Variants in ACOX1 observed in about 807,000 individuals in gnomAD.
ACOX1 encodes the protein peroxisomal acyl-coenzyme A oxidase 1.
A neutral mutation model predicts 75.5 loss-of-function variants in ACOX1; 41 were observed. The observed-to-expected ratio is 0.54, with a 90% confidence interval of 0.42 to 0.70. The LOEUF (loss-of-function observed/expected upper bound fraction) is 0.70. Ranked by LOEUF, ACOX1 falls within the 30% of genes least tolerant of loss-of-function variation. ACOX1 has a pLI of 0.00. For missense variants in ACOX1, 630 were observed against 837.5 expected, an observed-to-expected ratio of 0.75 and a Z score of 3.06; for synonymous variants, 303 against 298.8, an observed-to-expected ratio of 1.01 and a Z score of -0.15.
At chr17:75,977,237 C>T (rs904254510) in intron 2 of ACOX1, among the ~76,000 whole-genome samples, 1 of 151,644 alleles carries the variant, frequency 6.6e-6, no homozygotes, top group Non-Finnish European at 1.5e-5. Flanking sequence ...CTCAAGTGAT[C>T]CACCTGCCTT....
chr17:75,948,403 A>T lies in ACOX1; in HGVS notation c.1783T>A (p.Leu595Ile). 4 of 1,614,038 alleles carry T rather than the reference A, an allele frequency of 2.5e-6. No homozygotes were observed. The highest frequency in any genetic ancestry group is 3.4e-6 in the Non-Finnish European group (4 of 1,180,004). ...GCATCTGAGCGAATCAGAGTGAGTA[A>T]CTCCTTTACACGCTGGTTTACTTGT... ...ITQVNQRVKELLTLIRSDAVA... is the reference protein window; with the variant it reads ...ITQVNQRVKEILTLIRSDAVA... Residue 595 changes from leucine (L) to isoleucine (I), a missense_variant, in exon 13 of 14, where the codon TTA becomes ATA. By Grantham distance (5) the Leu-to-Ile change is conservative. Transcript: ENST00000293217.
intron 3 of ACOX1, among the ~76,000 whole-genome samples, chr17:75,959,325 A>C (rs2065867901): frequency 6.6e-6 from 1 of 152,248 alleles, no homozygotes; most frequent in Non-Finnish European, 1.5e-5. Context: ...AGAACAGATA[A>C]GGACAAAATG....
chr17:75,960,096 G>T lies in ACOX1; in HGVS notation c.430+119C>A. The T allele has an allele frequency of 7.9e-7, 1 of 1,262,084 alleles. No individual in the cohort carries two copies. 78.2% of individuals were successfully genotyped at this position (1,262,084 alleles called of 1,614,324 possible). ...CCAAAACCTGGACTCTGCAGAAAGA[G>T]CTCATTTAAACAGACCATAGAACAT... On this transcript the variant is annotated intron_variant, in intron 3 of 13. Transcript: ENST00000293217. This position sits in a 1 kb window ranked among gnomAD's most constrained non-coding sequence, Gnocchi z 4.4.
intron 12 of ACOX1, 66 bp from the exon 13 acceptor site, chr17:75,948,523 T>C (rs1206814710): frequency 7.7e-7 from 1 of 1,299,800 alleles, no homozygotes; most frequent in Non-Finnish European, 1.1e-6. Flanking sequence ...ATTATATGCA[T>C]ATACAGCTAT....
chr17:75,973,549 A>C, intron 2 of ACOX1: 1 of 1,517,636 alleles, frequency 6.6e-7, no homozygotes, highest in South Asian at 1.1e-5. Flanking sequence ...AGCAGCAGAA[A>C]AAAGTCAAAT....
At chr17:75,975,161 CT>C (rs915668566) in intron 2 of ACOX1, among the ~76,000 whole-genome samples, 3 of 148,122 alleles carry the variant, frequency 2.0e-5, no homozygotes, top group Admixed American at 6.7e-5. Context: ...CCCGCCATTT[CT>C]TTTTTTTTCT....
chr17:75,975,050 C>CAAAAA (rs1022347068), intron 2 of ACOX1, among the ~76,000 whole-genome samples: 22 of 40,194 alleles, frequency 5.5e-4, no homozygotes, highest in African/African-American at 1.0e-3. Context: ...ACTCTGTCTC[C>CAAAAA]AAAAAAAAAA....
Position 75,960,230 on chromosome 17 carries a change from T to A in ACOX1, c.415A>T (p.Thr139Ser). The A allele has an allele frequency of 6.2e-7, 1 of 1,614,096 alleles. No individual in the cohort carries two copies. The highest frequency in any genetic ancestry group is 1.3e-5 in the African/African-American group (1 of 75,044). Residue 139 changes from threonine (T) to serine (S), a missense_variant, in exon 3 of 14, where the codon ACA becomes TCA. Thr to Ser is a moderately conservative substitution (Grantham distance 58). Coordinates refer to ENST00000293217, the MANE Select transcript of ACOX1 (RefSeq NM_004035.7). This position sits in a 1 kb window ranked among gnomAD's most constrained non-coding sequence, Gnocchi z 4.4. Reference protein sequence around the residue: ...NLEIIGTYAQTEMGHGTHLRG... With the variant: ...NLEIIGTYAQSEMGHGTHLRG... ...TACTCCATACCATGACCCATCTCTG[T>A]CTGGGCATAAGTGCCAATGATCTCC...
rs762892394 is a variant in ACOX1 at position 75,960,294 on chromosome 17, C to T, written c.351G>A (p.Ala117=). 1.1e-5 allele frequency: 17 copies of T among 1,614,052 alleles called. No homozygotes were observed. The highest frequency in any genetic ancestry group is 6.6e-5 in the South Asian group (6 of 91,090). The part of the protein sequence containing the change: ...FLPTLLHQAT[A]EQQERFFMPA... Reference sequence around the variant, plus strand: ...GCATGAAGAAGCGCTCCTGCTGCTCCGCAGTTGCCTGGTGAAGCAAGGTGG... The same window carrying T: ...GCATGAAGAAGCGCTCCTGCTGCTCTGCAGTTGCCTGGTGAAGCAAGGTGG... The change falls in exon 3 of 14, where the codon GCG becomes GCA. Residue 117 remains alanine (A), a synonymous_variant. Transcript: ENST00000293217. This position sits in a 1 kb window ranked among gnomAD's most constrained non-coding sequence, Gnocchi z 4.4.
chr17:75,946,639 G>T lies in ACOX1; in HGVS notation c.*109C>A. ...TTTTTCCCTCCATTTATAAAAAGGGGTCAATTTATCATTTGCTCTATAGCT... is the reference window on the plus strand; with the variant it reads ...TTTTTCCCTCCATTTATAAAAAGGGTTCAATTTATCATTTGCTCTATAGCT... On this transcript the variant is annotated 3_prime_UTR_variant, in exon 14 of 14. Transcript: ENST00000293217. The T allele has an allele frequency of 1.1e-6, 1 of 898,986 alleles. No individual in the cohort carries two copies. 55.7% of individuals were successfully genotyped at this position (898,986 alleles called of 1,614,324 possible). A position where few individuals can be genotyped will look rare whatever the true frequency, so the allele number is the denominator to read the frequency against.
At chr17:75,963,566 G>A (rs988837897) in intron 2 of ACOX1, among the ~76,000 whole-genome samples, 1 of 152,028 alleles carries the variant, frequency 6.6e-6, no homozygotes, top group African/African-American at 2.4e-5. Flanking sequence ...AGGTGTGGCA[G>A]CGCCAGCCTC....
chr17:75,973,714 T>C, intron 2 of ACOX1: 1 of 1,614,184 alleles, frequency 6.2e-7, no homozygotes, highest in South Asian at 1.1e-5. Flanking sequence ...AGTGGTGCCC[T>C]GATTCAGCAA....
chr17:75,963,030 C>A (rs1316593385), intron 2 of ACOX1, among the ~76,000 whole-genome samples: 5 of 152,070 alleles, frequency 3.3e-5, no homozygotes, highest in Admixed American at 6.6e-5. Flanking sequence ...ACTTGGGAGG[C>A]TGAGGCAGGA....
At position 75,960,773 on chromosome 17, in the gene ACOX1, T is replaced by C. The variant is rs1316466387; in HGVS notation, c.270-398A>G. Among the ~76,000 whole-genome samples the C allele has an allele frequency of 1.3e-5, 2 of 152,060 alleles. No individual in the cohort carries two copies. The highest frequency in any genetic ancestry group is 2.9e-5 in the Non-Finnish European group (2 of 68,002). On this transcript the variant is annotated intron_variant, in intron 2 of 13. Coordinates refer to ENST00000293217, the MANE Select transcript of ACOX1 (RefSeq NM_004035.7). The surrounding 1 kb of genome is among the most constrained non-coding windows in gnomAD (Gnocchi z 4.4). ...CGGTCAGATCACCTTAAGTCAGGAG[T>C]TCGAGACCAGCCTGGCCAACATGGC...
chr17:75,957,345 T>TGTTAG, intron 4 of ACOX1, 114 bp downstream of exon 4: 1 of 949,990 alleles, frequency 1.1e-6, no homozygotes, highest in South Asian at 1.3e-5. Flanking sequence ...CCTCCCAAAG[T>TGTTAG]GTTAGGATTT....
intron 2 of ACOX1, among the ~76,000 whole-genome samples, chr17:75,961,286 C>A (rs1334157394): frequency 2.1e-5 from 3 of 144,038 alleles, no homozygotes; most frequent in Non-Finnish European, 4.5e-5. Context: ...CAGTGAGACT[C>A]CATCTCAAAA....
At position 75,950,856 on chromosome 17, in the gene ACOX1, C is replaced by T. The variant is rs1199045083; in HGVS notation, c.1216G>A (p.Gly406Ser). ...CGGHGYSHCS[G>S]LPNIYVNFTP... Reference sequence around the variant, plus strand: ...AAATTGACATAAATATTTGGAAGACCACTGCAATGAGAATAGCCATGCCCA... The same window carrying T: ...AAATTGACATAAATATTTGGAAGACTACTGCAATGAGAATAGCCATGCCCA... The change falls in exon 9 of 14, where the codon GGT becomes AGT. Residue 406 changes from glycine (G) to serine (S), a missense_variant. Gly to Ser is a moderately conservative substitution (Grantham distance 56, BLOSUM62 0). Transcript: ENST00000293217. The surrounding 1 kb of genome is among the most constrained non-coding windows in gnomAD (Gnocchi z 4.3). 2 of 1,613,976 alleles carry T rather than the reference C, an allele frequency of 1.2e-6. No homozygotes were observed. The highest frequency in any genetic ancestry group is 8.5e-7 in the Non-Finnish European group (1 of 1,180,024).
At chr17:75,958,266 T>G (rs1296799906) in intron 3 of ACOX1, among the ~76,000 whole-genome samples, 1 of 149,478 alleles carries the variant, frequency 6.7e-6, no homozygotes, top group Admixed American at 6.6e-5. Flanking sequence ...GGCAGGAGAA[T>G]TGCTTGAACC....
chr17:75,972,643 C>G (rs1340439559), intron 2 of ACOX1, among the ~76,000 whole-genome samples: 3 of 101,816 alleles, frequency 2.9e-5, no homozygotes, highest in African/African-American at 5.8e-5. Context: ...AAAACTCTGT[C>G]TCAAAAAAAA....
Sources: allele counts gnomAD v4.1 joint callset (sites outside exome capture counted in the v4.1 genomes callset), GRCh38; gene constraint gnomAD v4.1.1; non-coding constraint Gnocchi (gnomAD v3.1); transcripts MANE v1.5; gene names NCBI Gene and HGNC (gene_info 2026-07-23, HGNC 2026-07-21).